The following PRKCZ variants were observed in gnomAD, a reference collection of about 807,000 sequenced individuals.
PRKCZ encodes the protein protein kinase C zeta.
Under a neutral mutation model 79.5 loss-of-function variants are expected in PRKCZ, and 33 were observed. That is an observed-to-expected ratio of 0.41 (90% CI 0.31 to 0.55). The LOEUF (loss-of-function observed/expected upper bound fraction) is 0.55. Ranked by LOEUF, PRKCZ falls within the 20% of genes least tolerant of loss-of-function variation. PRKCZ has a pLI of 0.19. For synonymous variants in PRKCZ, 342 were observed against 320.9 expected, an observed-to-expected ratio of 1.07 and a Z score of -0.70; for missense variants, 578 against 813.5, an observed-to-expected ratio of 0.71 and a Z score of 3.52.
At chr1:2,068,806 C>T (rs977716154) in intron 4 of PRKCZ, among the ~76,000 whole-genome samples, 39 of 152,208 alleles carry the variant, frequency 2.6e-4, no homozygotes, top group African/African-American at 8.7e-4. Context: ...CTGCCAGTGG[C>T]GCTGGTCATT....
At chr1:2,104,678 A>G in intron 4 of PRKCZ, 1 of 985,608 alleles carries the variant, frequency 1.0e-6, no homozygotes. Context: ...GACTGGGAGG[A>G]GAGAGGGAGG....
At chr1:2,062,836 T>C (rs976451647) in intron 4 of PRKCZ, among the ~76,000 whole-genome samples, 1 of 152,226 alleles carries the variant, frequency 6.6e-6, no homozygotes, top group South Asian at 2.1e-4. Context: ...GTATTCGATA[T>C]TCGCATTGCT....
Position 2,173,519 on chromosome 1 carries a change from C to T in PRKCZ, c.1286-378C>T, listed in dbSNP as rs915732375. Among the ~76,000 whole-genome samples, 1 of 152,200 alleles carries T rather than the reference C, an allele frequency of 6.6e-6. No individual in the cohort carries two copies. The highest frequency in any genetic ancestry group is 1.5e-5 in the Non-Finnish European group (1 of 68,036). ...AACAAAATGGCTGTAGAAGGAAACA[C>T]AGGAGAGTATTTCCGTTACTGCAGC... On this transcript the variant is annotated intron_variant, in intron 13 of 17. Coordinates refer to ENST00000378567, the MANE Select transcript of PRKCZ (RefSeq NM_002744.6). This position sits in a 1 kb window ranked among gnomAD's most constrained non-coding sequence, Gnocchi z 5.7.
chr1:2,126,896 C>T (rs1247241051), intron 4 of PRKCZ, among the ~76,000 whole-genome samples: 2 of 152,376 alleles, frequency 1.3e-5, no homozygotes, highest in East Asian at 1.9e-4. Flanking sequence ...TCACTGACAC[C>T]CTGATACCCA....
intron 4 of PRKCZ, among the ~76,000 whole-genome samples, chr1:2,078,703 T>C (rs1662893890): frequency 6.6e-6 from 1 of 152,172 alleles, no homozygotes; most frequent in Non-Finnish European, 1.5e-5. Context: ...CCTTTAATTT[T>C]CTTCTCTATT....
rs141828322 is a variant in PRKCZ at position 2,075,665 on chromosome 1, C to T, written c.334+16074C>T. 6.1e-4 allele frequency among the ~76,000 whole-genome samples: 93 copies of T among 152,316 alleles called. No individual in the cohort carries two copies. Among genetic ancestry groups the T allele is most frequent in the African/African-American group, 2.0e-3 (85 of 41,568 alleles). On this transcript the variant is annotated intron_variant, in intron 4 of 17. Coordinates refer to ENST00000378567, the MANE Select transcript of PRKCZ (RefSeq NM_002744.6). This position sits in a 1 kb window ranked among gnomAD's most constrained non-coding sequence, Gnocchi z 4.8. ...ACCTCCCAGACTCACCTCTGGGCTC[C>T]GGGCTCTGCTGCGATGTTTCCGAGG...
At chr1:2,055,642 C>A in intron 2 of PRKCZ, 80 bp downstream of exon 2, 1 of 1,520,226 alleles carries the variant, frequency 6.6e-7, no homozygotes, top group South Asian at 1.3e-5. Flanking sequence ...GGAGTGTGCT[C>A]AGCCAATTCT....
chr1:2,179,123 G>C (rs1262041352), intron 16 of PRKCZ, among the ~76,000 whole-genome samples: 2 of 152,346 alleles, frequency 1.3e-5, no homozygotes, highest in African/African-American at 4.8e-5. Context: ...AGATCCACCT[G>C]CCTTGCCCCT....
Position 2,175,137 on chromosome 1 carries a change from C to T in PRKCZ, c.1486-87C>T. On this transcript the variant is annotated intron_variant, in intron 15 of 17. Coordinates refer to ENST00000378567, the MANE Select transcript of PRKCZ (RefSeq NM_002744.6). ...GTCAGAGCATCGGGGGAGGGCTTGT[C>T]AGCACTGGGAGTGGCCACCAAGGAG... 3 of 1,161,702 alleles carry T rather than the reference C, an allele frequency of 2.6e-6. No individual in the cohort carries two copies. In the South Asian group the frequency reaches 3.8e-5, roughly 15 times the overall value. The allele number at this position is 1,161,702 out of a possible 1,614,324, so 72.0% of individuals were successfully genotyped here.
rs1299270465 is a variant in PRKCZ, at chr1:2,075,574, C to T, written c.334+15983C>T. On this transcript the variant is annotated intron_variant, in intron 4 of 17. Transcript: ENST00000378567. The surrounding 1 kb of genome is among the most constrained non-coding windows in gnomAD (Gnocchi z 4.8). ...GCCCTTCTCCGACCGTCTTCCTAGA[C>T]TTCAGAGCCACTGGTGGTTATGTAA... Among the ~76,000 whole-genome samples the T allele has an allele frequency of 2.0e-5, 3 of 152,212 alleles. No homozygotes were observed. Among genetic ancestry groups the T allele is most frequent in the Non-Finnish European group, 4.4e-5 (3 of 68,034 alleles).
intron 4 of PRKCZ, among the ~76,000 whole-genome samples, chr1:2,131,076 G>A (rs533654660): frequency 1.3e-5 from 2 of 152,216 alleles, no homozygotes; most frequent in Non-Finnish European, 1.5e-5. Flanking sequence ...CTGCAGTGGG[G>A]TGGGGCGTGG....
chr1:2,112,378 C>T (rs915168929), intron 4 of PRKCZ, among the ~76,000 whole-genome samples: 1 of 152,210 alleles, frequency 6.6e-6, no homozygotes, highest in South Asian at 2.1e-4. Context: ...GAACCTCTGA[C>T]GTGCTCCATT....
chr1:2,106,191 G>T (rs1484227271), intron 4 of PRKCZ, among the ~76,000 whole-genome samples: 1 of 152,248 alleles, frequency 6.6e-6, no homozygotes, highest in Admixed American at 6.5e-5. Flanking sequence ...GAAGGACAGG[G>T]CCGGACCCAG....
In PRKCZ at chr1:2,088,052, G is replaced by A. The variant is rs192518573; in HGVS notation, c.334+28461G>A. ...GGCGGCAGAGCCCATCCTGAATAGC[G>A]GCTTTCTCTGCTGTGTGGGTGGGGG... On this transcript the variant is annotated intron_variant, in intron 4 of 17. Transcript: ENST00000378567. Among the ~76,000 whole-genome samples the A allele has an allele frequency of 2.6e-3, 390 of 152,308 alleles. 5 individuals carry two copies. The highest frequency in any genetic ancestry group is 9.1e-3 in the African/African-American group (378 of 41,562).
chr1:2,057,306 G>T (rs1026301555), intron 3 of PRKCZ, among the ~76,000 whole-genome samples: 1 of 152,196 alleles, frequency 6.6e-6, no homozygotes, highest in African/African-American at 2.4e-5. Flanking sequence ...CTCCTCCCCG[G>T]TACTGCTGGG....
At chr1:2,052,661 G>A (rs1659790423) in intron 1 of PRKCZ, among the ~76,000 whole-genome samples, 1 of 151,840 alleles carries the variant, frequency 6.6e-6, no homozygotes, top group African/African-American at 2.4e-5. Context: ...GTCCCTCTGG[G>A]CACCCGGTGC....
Position 2,149,428 on chromosome 1 carries a change from C to T in PRKCZ, c.687+504C>T, listed in dbSNP as rs1264117221. 1.3e-5 allele frequency among the ~76,000 whole-genome samples: 2 copies of T among 152,230 alleles called. No individual in the cohort carries two copies. The highest frequency in any genetic ancestry group is 2.9e-5 in the Non-Finnish European group (2 of 68,038). On this transcript the variant is annotated intron_variant, in intron 8 of 17. Coordinates refer to ENST00000378567, the MANE Select transcript of PRKCZ (RefSeq NM_002744.6). The surrounding 1 kb of genome is among the most constrained non-coding windows in gnomAD (Gnocchi z 4.1). ...GGAACAGAAGAGCTTGCTGCGTTCT[C>T]AGCCTCTGCTCGTAAAACCCAGGGA... is the stretch of plus-strand genomic sequence containing the variant.
chr1:2,062,790 A>G (rs879430990), intron 4 of PRKCZ, among the ~76,000 whole-genome samples: 3 of 151,508 alleles, frequency 2.0e-5, no homozygotes, highest in African/African-American at 7.3e-5. Flanking sequence ...GCCTGTCCCC[A>G]TCTTAGCCAT....
intron 3 of PRKCZ, among the ~76,000 whole-genome samples, chr1:2,058,439 C>A (rs1233430106): frequency 3.3e-5 from 5 of 151,668 alleles, no homozygotes; most frequent in Non-Finnish European, 5.9e-5. Context: ...GATTATTCCA[C>A]TGCACTCTAG....
Sources: allele counts gnomAD v4.1 joint callset (sites outside exome capture counted in the v4.1 genomes callset), GRCh38; gene constraint gnomAD v4.1.1; non-coding constraint Gnocchi (gnomAD v3.1); transcripts MANE v1.5; gene names NCBI Gene and HGNC (gene_info 2026-07-23, HGNC 2026-07-21).